Variants in DLEC1 observed in about 807,000 individuals in gnomAD.
DLEC1 encodes deleted in lung and esophageal cancer protein 1.
A neutral mutation model predicts 198.1 loss-of-function variants in DLEC1; 146 were observed. That is an observed-to-expected ratio of 0.74 (90% CI 0.64 to 0.85). The LOEUF (loss-of-function observed/expected upper bound fraction) is 0.85. DLEC1 is among the 40% of genes least tolerant of loss of function. The pLI, the probability that DLEC1 is intolerant of heterozygous loss-of-function variation, is 0.00. For missense variants in DLEC1, 2,233 were observed against 2,220.0 expected (o/e 1.01, Z -0.12); for synonymous variants, 897 against 866.8 (o/e 1.03, Z -0.61).
chr3:38,083,478 C>T lies in DLEC1; in HGVS notation c.1174-680C>T, dbSNP rs190176137. Among the ~76,000 whole-genome samples, 91 of 152,198 alleles carry T rather than the reference C, an allele frequency of 6.0e-4. 1 individual carries two copies. Among genetic ancestry groups the T allele is most frequent in the Admixed American group, 4.0e-3 (61 of 15,286 alleles). The stretch of plus-strand genomic sequence containing the variant: ...ACTTAAGGCAAGGATGGGCCATTTT[C>T]ACTTCTTTTGTGGTGGAATGTCATC... On this transcript the variant is annotated intron_variant, in intron 6 of 36. Transcript: ENST00000308059.
At chr3:38,042,017 G>C (rs1460321128) in intron 1 of DLEC1, among the ~76,000 whole-genome samples, 1 of 151,900 alleles carries the variant, frequency 6.6e-6, no homozygotes, top group Non-Finnish European at 1.5e-5. Context: ...TTTTGAGGCA[G>C]AGTCTCGCTC....
Position 38,097,554 on chromosome 3 carries a change from C to T in DLEC1, c.2482C>T (p.Pro828Ser). 9.9e-6 allele frequency: 16 copies of T among 1,614,192 alleles called. 1 individual carries two copies. The highest frequency in any genetic ancestry group is 1.7e-5 in the Admixed American group (1 of 60,032). Residue 828 changes from proline (P) to serine (S), a missense_variant, in exon 17 of 37, where the codon CCT (proline) becomes TCT (serine). Physicochemically the swap from Pro to Ser is moderately conservative, Grantham distance 74. Transcript: ENST00000308059. ...DFELNFTGGV[P>S]GPTSQDLLCE... ...TGAGTTGAACTTTACTGGGGGTGTC[C>T]CTGGCCCCACAAGCCAGGACCTGCT...
rs377589180 is a variant in DLEC1 at position 38,114,987 on chromosome 3, G to A, written c.3790G>A (p.Gly1264Ser). The change falls in exon 27 of 37, where the codon GGC becomes AGC. Residue 1264 changes from glycine to serine, a missense_variant. Coordinates refer to ENST00000308059, the MANE Select transcript of DLEC1 (RefSeq NM_007335.4). Reference protein sequence around the residue: ...QAQKEPAMRFGTQVSGGDTVT... With the variant: ...QAQKEPAMRFSTQVSGGDTVT... ...GTCCAGTCTGTCCCCCTCCAGGTTCGGCACCCAGGTCTCCGGAGGAGACAC... is the reference window on the plus strand; with the variant it reads ...GTCCAGTCTGTCCCCCTCCAGGTTCAGCACCCAGGTCTCCGGAGGAGACAC... 68 of 1,613,258 alleles carry A rather than the reference G, an allele frequency of 4.2e-5. No individual in the cohort carries two copies. Among genetic ancestry groups the A allele is most frequent in the Non-Finnish European group, 4.6e-5 (54 of 1,179,602 alleles).
chr3:38,109,437 G>T lies in DLEC1; in HGVS notation c.3135G>T (p.Glu1045Asp), dbSNP rs779788460. Residue 1045 changes from glutamate to aspartate, a missense_variant, in exon 22 of 37, where the codon GAG (glutamate) becomes GAT (aspartate). By Grantham distance (45) the Glu-to-Asp change is conservative. Transcript: ENST00000308059. ...KLELTAHTQEELTHLALPCHV... is the reference protein window; with the variant it reads ...KLELTAHTQEDLTHLALPCHV... ...CTGGATGGGCTTTCTTATAGGAAGA[G>T]CTGACCCATCTGGCCCTCCCTTGTC... 5 of 1,614,060 alleles carry T rather than the reference G, an allele frequency of 3.1e-6. No homozygotes were observed. In the African/African-American group the frequency reaches 6.7e-5, roughly 22 times the overall value.
intron 6 of DLEC1, among the ~76,000 whole-genome samples, chr3:38,071,499 TCTAAGA>T (rs1202393175): frequency 1.3e-5 from 2 of 152,316 alleles, no homozygotes; most frequent in East Asian, 3.9e-4. Context: ...TTTTCCTTGG[TCTAAGA>T]ACTATTTGCC....
At chr3:38,115,542 A>G (rs1302215265) in intron 27 of DLEC1, among the ~76,000 whole-genome samples, 1 of 152,100 alleles carries the variant, frequency 6.6e-6, no homozygotes, top group Non-Finnish European at 1.5e-5. Context: ...CCAGGGGAGC[A>G]TGTGGGGGCA....
chr3:38,106,653 G>T (rs959897868), intron 19 of DLEC1, among the ~76,000 whole-genome samples: 3 of 151,618 alleles, frequency 2.0e-5, no homozygotes, highest in Admixed American at 6.6e-5. Context: ...CTACTCGGGA[G>T]GCTGAGGCAG....
intron 19 of DLEC1, among the ~76,000 whole-genome samples, chr3:38,102,091 T>G (rs1203307582): frequency 1.3e-5 from 2 of 152,052 alleles, no homozygotes; most frequent in Non-Finnish European, 2.9e-5. Flanking sequence ...CTTCCTCTCT[T>G]TCTCTACCCT....
intron 14 of DLEC1, 67 bp downstream of exon 14, chr3:38,096,013 T>G: frequency 1.3e-6 from 2 of 1,589,170 alleles, no homozygotes; most frequent in Non-Finnish European, 1.7e-6. Flanking sequence ...GGGGTTCTCC[T>G]GGGGAAGGTA....
At chr3:38,120,354 TG>T in intron 33 of DLEC1, 93 bp from the exon 34 acceptor site, 1 of 1,470,382 alleles carries the variant, frequency 6.8e-7, no homozygotes, top group Non-Finnish European at 9.4e-7. Flanking sequence ...TGGGCAAGGC[TG>T]GGCCTGGGAG....
At chr3:38,092,980 G>C (rs1000696655) in intron 11 of DLEC1, 100 bp downstream of exon 11, 31 of 1,131,496 alleles carry the variant, frequency 2.7e-5, no homozygotes, top group Non-Finnish European at 3.9e-5. Flanking sequence ...CCTGTTTCCT[G>C]TGTGTGTCAG....
chr3:38,094,586 C>G (rs1698911713), intron 12 of DLEC1, among the ~76,000 whole-genome samples: 2 of 152,246 alleles, frequency 1.3e-5, no homozygotes, highest in Admixed American at 6.5e-5. Flanking sequence ...ATGATTGGAA[C>G]ATGAGTTCCT....
chr3:38,095,382 C>T, intron 13 of DLEC1: 3 of 394,696 alleles, frequency 7.6e-6, no homozygotes, highest in Non-Finnish European at 1.4e-5. Context: ...ACCACAGCAT[C>T]CCCTAGAGAG....
chr3:38,107,443 C>A, intron 19 of DLEC1, 141 bp from the exon 20 acceptor site: 1 of 830,056 alleles, frequency 1.2e-6, no homozygotes, highest in Non-Finnish European at 1.7e-6. Flanking sequence ...GAAACTTTGC[C>A]GAACCCACTC....
chr3:38,076,787 A>G (rs1015285421), intron 6 of DLEC1, among the ~76,000 whole-genome samples: 6 of 152,168 alleles, frequency 3.9e-5, no homozygotes, highest in African/African-American at 1.4e-4. Flanking sequence ...AATAGTGGTA[A>G]AGTGTTGGGA....
At chr3:38,089,133 C>T (rs1313994495) in intron 10 of DLEC1, among the ~76,000 whole-genome samples, 2 of 152,198 alleles carry the variant, frequency 1.3e-5, no homozygotes, top group East Asian at 1.9e-4. Context: ...GAGCAAAAAC[C>T]GTCTGGCTTC....
intron 5 of DLEC1, 57 bp from the exon 6 acceptor site, chr3:38,063,784 A>G: frequency 2.3e-6 from 3 of 1,276,970 alleles, no homozygotes; most frequent in Non-Finnish European, 2.3e-6. Context: ...ACTGCCTACT[A>G]TTTCATTGTA....
intron 6 of DLEC1, among the ~76,000 whole-genome samples, chr3:38,075,616 C>T (rs544732124): frequency 1.5e-4 from 22 of 149,446 alleles, no homozygotes; most frequent in East Asian, 3.9e-4. Context: ...GGGGTCGGGG[C>T]GTGGAAATAA....
intron 6 of DLEC1, among the ~76,000 whole-genome samples, chr3:38,071,699 G>A (rs180714071): frequency 6.6e-6 from 1 of 152,372 alleles, no homozygotes; most frequent in East Asian, 1.9e-4. Flanking sequence ...GCCTCTTGCA[G>A]TGAATGACCT....
Sources: allele counts gnomAD v4.1 joint callset (sites outside exome capture counted in the v4.1 genomes callset), GRCh38; gene constraint gnomAD v4.1.1; transcripts MANE v1.5; gene names NCBI Gene and HGNC (gene_info 2026-07-23, HGNC 2026-07-21).